CFAP221: variants seen among roughly 807,000 people sequenced by gnomAD.
CFAP221 encodes the protein cilia- and flagella-associated protein 221.
A neutral mutation model predicts 113.1 loss-of-function variants in CFAP221; 97 were observed. That is an observed-to-expected ratio of 0.86 (90% CI 0.73 to 1.02). The LOEUF is 1.02. Ranked by LOEUF, CFAP221 falls within the 50% of genes least tolerant of loss-of-function variation. The pLI is 0.00. For missense variants in CFAP221, 1,025 were observed against 1,013.4 expected (o/e 1.01, Z -0.16); for synonymous variants, 331 against 354.4 (o/e 0.93, Z 0.74).
chr2:119,565,854 AGC>A (rs979358515), intron 6 of CFAP221, among the ~76,000 whole-genome samples: 16 of 152,212 alleles, frequency 1.1e-4, no homozygotes, highest in African/African-American at 3.9e-4. Flanking sequence ...ACACGTTTTC[AGC>A]TAAAGTGTTT....
At chr2:119,563,287 ATAGTT>A (rs1406518541) in intron 6 of CFAP221, among the ~76,000 whole-genome samples, 2 of 152,206 alleles carry the variant, frequency 1.3e-5, no homozygotes, top group Non-Finnish European at 2.9e-5. Flanking sequence ...GTCATACTGT[ATAGTT>A]TAGGTAATAA....
intron 21 of CFAP221, among the ~76,000 whole-genome samples, chr2:119,640,293 A>G (rs1480338231): frequency 6.6e-6 from 1 of 152,190 alleles, no homozygotes; most frequent in East Asian, 1.9e-4. Context: ...CAAAGGATCC[A>G]TGGCCCTCTT....
At chr2:119,608,994 C>T (rs750916414) in intron 12 of CFAP221, among the ~76,000 whole-genome samples, 8 of 152,200 alleles carry the variant, frequency 5.3e-5, no homozygotes, top group Admixed American at 3.9e-4. Context: ...CCAGGACCCA[C>T]ATCAGAGACA....
At chr2:119,572,075 A>G (rs1462165085) in intron 6 of CFAP221, among the ~76,000 whole-genome samples, 1 of 152,212 alleles carries the variant, frequency 6.6e-6, no homozygotes, top group Non-Finnish European at 1.5e-5. Context: ...TTGGGCTGGT[A>G]TGTATTCGTC....
chr2:119,553,077 T>G (rs1352724080), intron 3 of CFAP221, among the ~76,000 whole-genome samples: 1 of 152,142 alleles, frequency 6.6e-6, no homozygotes, highest in Non-Finnish European at 1.5e-5. Flanking sequence ...TAGCAGAAAG[T>G]GTTTCAAAAC....
chr2:119,607,904 A>G (rs999845823), intron 11 of CFAP221, among the ~76,000 whole-genome samples: 11 of 152,216 alleles, frequency 7.2e-5, no homozygotes, highest in Non-Finnish European at 1.3e-4. Context: ...TTGTTCATTC[A>G]TCAGTTACTG....
rs536171079 is a variant in CFAP221, at chr2:119,613,458, C to A, written c.1311+1716C>A. On this transcript the variant is annotated intron_variant, in intron 13 of 23. Coordinates refer to ENST00000413369, the MANE Select transcript of CFAP221 (RefSeq NM_001271049.2). ...GCACATCCAGGTGTTTCCATACATC[C>A]TCTGAAATCCAGACAGAGTTTCCCA... Among the ~76,000 whole-genome samples the A allele has an allele frequency of 2.0e-4, 30 of 152,378 alleles. No individual in the cohort carries two copies. The South Asian group carries it at 6.2e-3, about 32-fold the overall frequency.
chr2:119,602,264 G>C (rs868044549), intron 8 of CFAP221, among the ~76,000 whole-genome samples: 3 of 152,182 alleles, frequency 2.0e-5, no homozygotes, highest in Admixed American at 6.5e-5. Context: ...TGTAATCCCA[G>C]CTACTTGGGA....
intron 14 of CFAP221, among the ~76,000 whole-genome samples, chr2:119,615,952 C>T (rs1185869078): frequency 1.3e-5 from 2 of 152,210 alleles, no homozygotes; most frequent in African/African-American, 2.4e-5. Flanking sequence ...CAGTCACTCT[C>T]CACTCCCTCC....
intron 6 of CFAP221, among the ~76,000 whole-genome samples, chr2:119,563,487 A>G (rs1177082786): frequency 6.6e-6 from 1 of 152,186 alleles, no homozygotes; most frequent in Non-Finnish European, 1.5e-5. Context: ...TGGAAAATAT[A>G]TACTGTCCTG....
intron 14 of CFAP221, among the ~76,000 whole-genome samples, chr2:119,623,406 A>G (rs1686076385): frequency 6.6e-6 from 1 of 152,244 alleles, no homozygotes; most frequent in South Asian, 2.1e-4. Context: ...GCTCATGGAT[A>G]GGAAGAATCA....
At chr2:119,652,160 A>G (rs1574243083) in intron 23 of CFAP221, 91 bp downstream of exon 23, 1 of 926,002 alleles carries the variant, frequency 1.1e-6, no homozygotes, top group East Asian at 2.8e-5. Context: ...GTCTGAGTCT[A>G]AATAGCTCAG....
chr2:119,647,955 A>ACAC (rs1049734530), intron 22 of CFAP221, among the ~76,000 whole-genome samples: 1 of 151,956 alleles, frequency 6.6e-6, no homozygotes, highest in African/African-American at 2.4e-5. Context: ...TGTGGGTTCA[A>ACAC]CACCACCACC....
At chr2:119,648,069 A>T (rs1444333445) in intron 22 of CFAP221, among the ~76,000 whole-genome samples, 1 of 151,970 alleles carries the variant, frequency 6.6e-6, no homozygotes, top group Non-Finnish European at 1.5e-5. Flanking sequence ...GACCCATCTC[A>T]TGGGTGGCTA....
intron 6 of CFAP221, among the ~76,000 whole-genome samples, chr2:119,571,133 C>CCT (rs1682012597): frequency 2.1e-5 from 2 of 93,154 alleles, no homozygotes; most frequent in African/African-American, 4.4e-5. Context: ...TAACAACCCC[C>CCT]TTTTTTTTTT....
At chr2:119,585,418 G>T (rs898785844) in intron 6 of CFAP221, among the ~76,000 whole-genome samples, 2 of 152,174 alleles carry the variant, frequency 1.3e-5, no homozygotes, top group Non-Finnish European at 2.9e-5. Context: ...CGAAATAAAG[G>T]TTGATAAACC....
intron 16 of CFAP221, among the ~76,000 whole-genome samples, chr2:119,628,282 C>CTA (rs1435997148): frequency 2.2e-5 from 1 of 46,444 alleles, no homozygotes; most frequent in East Asian, 7.3e-4. Flanking sequence ...CTCTCTCTCT[C>CTA]TCTCTCTGGG....
At chr2:119,555,022 C>T (rs1558907562) in intron 3 of CFAP221, among the ~76,000 whole-genome samples, 1 of 152,146 alleles carries the variant, frequency 6.6e-6, no homozygotes, top group Non-Finnish European at 1.5e-5. Context: ...AGAATAGACT[C>T]CCCCAAGGAG....
chr2:119,576,409 G>A (rs1030101839), intron 6 of CFAP221, among the ~76,000 whole-genome samples: 3 of 152,060 alleles, frequency 2.0e-5, no homozygotes, highest in Admixed American at 6.6e-5. Flanking sequence ...GTGTGTTCAC[G>A]TGTTCTCATC....
Sources: gnomAD v4.1 joint callset for allele counts (sites outside exome capture counted in the v4.1 genomes callset) on GRCh38, gnomAD v4.1.1 for gene constraint, MANE v1.5 for transcripts, NCBI Gene and HGNC (gene_info 2026-07-23, HGNC 2026-07-21) for gene names.